GRIK2: variants seen among roughly 807,000 people sequenced by gnomAD.
The protein encoded by GRIK2 is glutamate receptor ionotropic, kainate 2.
GRIK2 carries 32 observed loss-of-function variants against 100.3 expected under a neutral mutation model. That is an observed-to-expected ratio of 0.32 (90% confidence interval 0.24 to 0.43). The LOEUF (loss-of-function observed/expected upper bound fraction) is 0.43, where lower values mean the gene tolerates loss of function less well. GRIK2 is among the 20% of genes least tolerant of loss of function. The pLI, the probability that GRIK2 is intolerant of heterozygous loss-of-function variation, is 1.00. For synonymous variants in GRIK2, 417 were observed against 389.4 expected (o/e 1.07, Z -0.83); for missense variants, 843 against 1,114.9 (o/e 0.76, Z 3.47).
chr6:101,893,915 A>C (rs1373633243), intron 12 of GRIK2, among the ~76,000 whole-genome samples: 2 of 151,608 alleles, frequency 1.3e-5, no homozygotes, highest in Non-Finnish European at 3.0e-5. Flanking sequence ...TAATACTTAA[A>C]TCATCTTAAA....
intron 2 of GRIK2, among the ~76,000 whole-genome samples, chr6:101,504,488 AG>A (rs1326355394): frequency 3.3e-5 from 5 of 151,950 alleles, no homozygotes; most frequent in African/African-American, 1.2e-4. Context: ...TAAACTGAAA[AG>A]AAAATTTCCT....
chr6:101,415,577 A>G (rs1018421288), intron 2 of GRIK2, among the ~76,000 whole-genome samples: 5 of 151,838 alleles, frequency 3.3e-5, no homozygotes, highest in African/African-American at 7.3e-5. Flanking sequence ...TCACCTTGTT[A>G]GCCAGGATAG....
intron 7 of GRIK2, among the ~76,000 whole-genome samples, chr6:101,754,334 GC>G (rs1338058276): frequency 1.3e-5 from 2 of 152,164 alleles, no homozygotes; most frequent in African/African-American, 4.8e-5. Context: ...ATATGTTTGT[GC>G]ATAATTAGAT....
chr6:101,494,661 T>G (rs1000811613), intron 2 of GRIK2, among the ~76,000 whole-genome samples: 5 of 151,834 alleles, frequency 3.3e-5, no homozygotes, highest in South Asian at 2.1e-4. Flanking sequence ...CCAGGCATGG[T>G]GGCTCATGCC....
chr6:101,783,131 T>C (rs955350717), intron 7 of GRIK2, among the ~76,000 whole-genome samples: 42 of 152,082 alleles, frequency 2.8e-4, no homozygotes, highest in African/African-American at 1.0e-3. Context: ...GTGCTGGGAT[T>C]ACAGGCGTGA....
At chr6:101,850,499 A>C (rs1410059600) in intron 10 of GRIK2, among the ~76,000 whole-genome samples, 1 of 152,022 alleles carries the variant, frequency 6.6e-6, no homozygotes, top group Non-Finnish European at 1.5e-5. Context: ...CATATGAAAA[A>C]GATAATTGAG....
At chr6:101,431,239 T>C (rs952471675) in intron 2 of GRIK2, 2 of 169,850 alleles carry the variant, frequency 1.2e-5, no homozygotes, top group Admixed American at 1.3e-4. Flanking sequence ...GAAATAATGC[T>C]GTGCTTGAAG....
At chr6:101,735,996 C>A (rs150179683) in intron 7 of GRIK2, among the ~76,000 whole-genome samples, 26 of 152,274 alleles carry the variant, frequency 1.7e-4, no homozygotes, top group Admixed American at 9.8e-4. Flanking sequence ...AGGGAGAAAT[C>A]GGCCCAAAAC....
intron 2 of GRIK2, among the ~76,000 whole-genome samples, chr6:101,453,966 A>C (rs1770853186): frequency 6.6e-6 from 1 of 152,126 alleles, no homozygotes; most frequent in Non-Finnish European, 1.5e-5. Context: ...AGATATAAAA[A>C]AGGGAATAAC....
chr6:101,539,454 C>T (rs540649040), intron 2 of GRIK2, among the ~76,000 whole-genome samples: 226 of 151,758 alleles, frequency 1.5e-3, no homozygotes, highest in African/African-American at 5.3e-3. Context: ...ATGATGAAAT[C>T]AGAAAATTGA....
At position 102,015,709 on chromosome 6, in the gene GRIK2, C is replaced by T. The variant is rs117030545; in HGVS notation, c.2086-19632C>T. Among the ~76,000 whole-genome samples, 1,168 of 152,316 alleles carry T rather than the reference C, an allele frequency of 7.7e-3. 6 individuals carry two copies. The highest frequency in any genetic ancestry group is 0.02 in the Admixed American group (301 of 15,304). On this transcript the variant is annotated intron_variant, in intron 14 of 16. Coordinates refer to ENST00000369134, the MANE Select transcript of GRIK2 (RefSeq NM_021956.5). Reference sequence around the variant, plus strand: ...TGCAAATGAGTATGGATCCCACTGCCACTGCCCTGCAAAGTGCTTTGGCTG... The same window carrying T: ...TGCAAATGAGTATGGATCCCACTGCTACTGCCCTGCAAAGTGCTTTGGCTG...
intron 4 of GRIK2, among the ~76,000 whole-genome samples, chr6:101,636,129 G>T (rs754026572): frequency 1.3e-5 from 2 of 152,068 alleles, no homozygotes; most frequent in Non-Finnish European, 2.9e-5. Flanking sequence ...ACTGGATAAA[G>T]AAAATGTGGC....
chr6:101,434,945 A>C (rs13194788), intron 2 of GRIK2, among the ~76,000 whole-genome samples: 4,287 of 123,376 alleles, frequency 0.035, 83 homozygotes, highest in Middle Eastern at 0.066. Context: ...CTCCTGAGGA[A>C]GAGCCTAAGG....
At chr6:101,591,891 T>G (rs2128306846) in intron 2 of GRIK2, among the ~76,000 whole-genome samples, 1 of 152,142 alleles carries the variant, frequency 6.6e-6, no homozygotes, top group African/African-American at 2.4e-5. Context: ...CCTCTAAATC[T>G]CATGTTGAAA....
intron 14 of GRIK2, among the ~76,000 whole-genome samples, chr6:102,031,122 CA>C (rs1562124585): frequency 8.0e-5 from 9 of 112,164 alleles, no homozygotes; most frequent in African/African-American, 2.2e-4. Flanking sequence ...CACACACACA[CA>C]CACACCCCCT....
At chr6:101,984,765 A>T (rs1005510797) in intron 14 of GRIK2, among the ~76,000 whole-genome samples, 1 of 151,650 alleles carries the variant, frequency 6.6e-6, no homozygotes, top group Non-Finnish European at 1.5e-5. Flanking sequence ...TTTTCATAAC[A>T]TTTTTTCAGG....
chr6:101,606,866 C>T (rs1486189387), intron 2 of GRIK2, among the ~76,000 whole-genome samples: 2 of 151,920 alleles, frequency 1.3e-5, no homozygotes, highest in Non-Finnish European at 2.9e-5. Flanking sequence ...TTCTCAGTAT[C>T]TTTATTCCAT....
rs1424543898 is a variant in GRIK2 at position 101,922,093 on chromosome 6, T to TTTC, written c.1749-2507_1749-2506insTCT. Among the ~76,000 whole-genome samples, 138 of 24,868 alleles carry TTTC rather than the reference T, an allele frequency of 5.5e-3. 10 individuals carry two copies. The highest frequency in any genetic ancestry group is 9.7e-3 in the South Asian group (8 of 822). The allele number at this position is 24,868 out of a possible 152,430, so 16.3% of individuals were successfully genotyped here. ...TTTCTCCATTTCCTTCCTTCCTTCC[T>TTTC]TCCTTCCTTCCTTCCTTCCTTCCTT... On this transcript the variant is annotated intron_variant, in intron 12 of 16. Coordinates refer to ENST00000369134, the MANE Select transcript of GRIK2 (RefSeq NM_021956.5).
At chr6:101,777,861 A>G (rs893468086) in intron 7 of GRIK2, among the ~76,000 whole-genome samples, 2 of 152,192 alleles carry the variant, frequency 1.3e-5, no homozygotes, top group Non-Finnish European at 2.9e-5. Flanking sequence ...CTATAAATTC[A>G]TTTAGAAACG....
Sources: allele counts gnomAD v4.1 joint callset (sites outside exome capture counted in the v4.1 genomes callset), GRCh38; gene constraint gnomAD v4.1.1; transcripts MANE v1.5; gene names NCBI Gene and HGNC (gene_info 2026-07-23, HGNC 2026-07-21).